The following ADGRV1 variants were observed in gnomAD, a reference collection of about 807,000 sequenced individuals.
The protein encoded by ADGRV1 is G-protein coupled receptor 98.
Under a neutral mutation model 596.2 loss-of-function variants are expected in ADGRV1, and 359 were observed. That is an observed-to-expected ratio of 0.60 (90% CI 0.55 to 0.66). The LOEUF (loss-of-function observed/expected upper bound fraction) is 0.66, where lower values mean the gene tolerates loss of function less well. ADGRV1 is among the 30% of genes least tolerant of loss of function. The pLI, the probability that ADGRV1 is intolerant of heterozygous loss-of-function variation, is 0.00. For synonymous variants in ADGRV1, 2,681 were observed against 2,679.2 expected (o/e 1.00, Z -0.02); for missense variants, 7,274 against 7,575.6 (o/e 0.96, Z 1.48).
intron 86 of ADGRV1, among the ~76,000 whole-genome samples, chr5:91,093,461 C>T (rs1433626457): frequency 6.6e-6 from 1 of 152,226 alleles, no homozygotes; most frequent in African/African-American, 2.4e-5. Context: ...AAAGCAGGGT[C>T]ATATCGACAA....
intron 84 of ADGRV1, among the ~76,000 whole-genome samples, chr5:90,984,884 A>T (rs569149257): frequency 6.6e-6 from 1 of 152,316 alleles, no homozygotes; most frequent in South Asian, 2.1e-4. Context: ...TTATTTCCCC[A>T]CTAGAACAGT....
At chr5:91,030,885 C>T in intron 85 of ADGRV1, 1 of 506,098 alleles carries the variant, frequency 2.0e-6, no homozygotes, top group Non-Finnish European at 3.4e-6. Flanking sequence ...CTCTGCCCCA[C>T]CACAATTTCC....
chr5:90,660,011 G>A (rs1346708694), intron 21 of ADGRV1, among the ~76,000 whole-genome samples: 1 of 151,062 alleles, frequency 6.6e-6, no homozygotes, highest in Non-Finnish European at 1.5e-5. Flanking sequence ...CAGCGTGGGT[G>A]ACACAAGACT....
intron 85 of ADGRV1, among the ~76,000 whole-genome samples, chr5:91,043,549 A>G (rs781140290): frequency 6.6e-6 from 1 of 152,072 alleles, no homozygotes; most frequent in Non-Finnish European, 1.5e-5. Flanking sequence ...TCCTCCTAGG[A>G]TTTAACCTTG....
chr5:90,642,271 T>C (rs1160871213), intron 11 of ADGRV1, among the ~76,000 whole-genome samples: 1 of 152,216 alleles, frequency 6.6e-6, no homozygotes, highest in Non-Finnish European at 1.5e-5. Flanking sequence ...ATCTTCTAAC[T>C]ACATGTTACA....
intron 59 of ADGRV1, among the ~76,000 whole-genome samples, chr5:90,768,791 T>G (rs1334470434): frequency 6.6e-6 from 1 of 152,184 alleles, no homozygotes; most frequent in East Asian, 1.9e-4. Flanking sequence ...GATATTGCAC[T>G]TTACCTTCCT....
At chr5:91,089,581 G>A (rs569183979) in intron 86 of ADGRV1, among the ~76,000 whole-genome samples, 1 of 152,248 alleles carries the variant, frequency 6.6e-6, no homozygotes, top group South Asian at 2.1e-4. Context: ...TGACATTTAT[G>A]ATAACTCATT....
At chr5:90,753,871 T>C in intron 54 of ADGRV1, 42 bp downstream of exon 54, 1 of 1,492,026 alleles carries the variant, frequency 6.7e-7, no homozygotes, top group Non-Finnish European at 9.0e-7. Flanking sequence ...ATGAGAAGCT[T>C]CATTGGATAA....
chr5:91,075,878 A>G (rs1788816211), intron 86 of ADGRV1, among the ~76,000 whole-genome samples: 1 of 152,058 alleles, frequency 6.6e-6, no homozygotes, highest in South Asian at 2.1e-4. Context: ...TCCATTCCCA[A>G]GTTAGTTACT....
chr5:91,042,908 T>C (rs759177734), intron 85 of ADGRV1, among the ~76,000 whole-genome samples: 1 of 152,018 alleles, frequency 6.6e-6, no homozygotes, highest in Non-Finnish European at 1.5e-5. Context: ...TTTATTGAGA[T>C]CCTTAAAACT....
At position 90,789,850 on chromosome 5, in the gene ADGRV1, T is replaced by C. The variant is rs1759875454; in HGVS notation, c.14042T>C (p.Met4681Thr). 3 of 1,364,290 alleles carry C rather than the reference T, an allele frequency of 2.2e-6. No individual in the cohort carries two copies. The East Asian group carries it at 7.9e-5, about 36-fold the overall frequency. 84.5% of individuals were successfully genotyped at this position (1,364,290 alleles called of 1,614,324 possible). ...RRVKGTFGEI[M>T]VYWELSSEFD... ...GTCAAGGGCACCTTTGGAGAGATTA[T>C]GGTATTACTTTTCATTTGATTTTTC... The change falls in exon 69 of 90, where the codon ATG becomes ACG. Residue 4681 changes from methionine to threonine, a missense_variant and splice_region_variant. Met to Thr is a moderately conservative substitution (Grantham distance 81, BLOSUM62 -1). Coordinates refer to ENST00000405460, the MANE Select transcript of ADGRV1 (RefSeq NM_032119.4).
intron 5 of ADGRV1, among the ~76,000 whole-genome samples, chr5:90,623,631 T>G (rs1354792289): frequency 6.6e-6 from 1 of 152,126 alleles, no homozygotes; most frequent in African/African-American, 2.4e-5. Flanking sequence ...CAGGCTGGTT[T>G]TGAACTCCTG....
At chr5:90,964,071 G>A (rs1778249353) in intron 83 of ADGRV1, among the ~76,000 whole-genome samples, 1 of 151,966 alleles carries the variant, frequency 6.6e-6, no homozygotes, top group Non-Finnish European at 1.5e-5. Context: ...CAGGGATGCT[G>A]CCCTACCAAT....
intron 85 of ADGRV1, among the ~76,000 whole-genome samples, chr5:91,062,824 ATC>A (rs1329440463): frequency 6.6e-6 from 1 of 151,844 alleles, no homozygotes; most frequent in Non-Finnish European, 1.5e-5. Flanking sequence ...GTGCTGTGAA[ATC>A]TCTGTCTGAT....
chr5:90,745,278 T>G lies in ADGRV1; in HGVS notation c.10769+13T>G. 1 of 1,516,020 alleles carries G rather than the reference T, an allele frequency of 6.6e-7. No homozygotes were observed. Among genetic ancestry groups the G allele is most frequent in the East Asian group, 2.3e-5 (1 of 44,164 alleles). 93.9% of individuals were successfully genotyped at this position (1,516,020 alleles called of 1,614,324 possible). A position where few individuals can be genotyped will look rare whatever the true frequency, so the allele number is the denominator to read the frequency against. On this transcript the variant is annotated intron_variant, in intron 51 of 89. Transcript: ENST00000405460. ...ACTTTATTCCTAGGTAGGTTCAACA[T>G]TTTTTGCTAAGTATCTTTATGTTCA...
intron 85 of ADGRV1, among the ~76,000 whole-genome samples, chr5:90,995,517 C>G (rs1169659902): frequency 6.6e-6 from 1 of 152,064 alleles, no homozygotes; most frequent in Non-Finnish European, 1.5e-5. Flanking sequence ...CATAAATTAC[C>G]CAGCCACAGG....
At chr5:90,702,291 A>G (rs1198612919) in intron 34 of ADGRV1, among the ~76,000 whole-genome samples, 1 of 151,868 alleles carries the variant, frequency 6.6e-6, no homozygotes, top group Non-Finnish European at 1.5e-5. Context: ...TCTTTGGACA[A>G]TCTGATCTAG....
At chr5:90,898,200 T>G (rs1771507612) in intron 83 of ADGRV1, among the ~76,000 whole-genome samples, 1 of 152,232 alleles carries the variant, frequency 6.6e-6, no homozygotes, top group Non-Finnish European at 1.5e-5. Flanking sequence ...CAAGTTCATT[T>G]TCTTCTGTCA....
At chr5:90,816,123 G>T (rs115859334) in intron 75 of ADGRV1, among the ~76,000 whole-genome samples, 87 of 152,210 alleles carry the variant, frequency 5.7e-4, no homozygotes, top group African/African-American at 2.0e-3. Flanking sequence ...CACGTGCTTG[G>T]TATGCACACA....
Sources: allele counts gnomAD v4.1 joint callset (sites outside exome capture counted in the v4.1 genomes callset), GRCh38; gene constraint gnomAD v4.1.1; transcripts MANE v1.5; gene names NCBI Gene and HGNC (gene_info 2026-07-23, HGNC 2026-07-21).